OPRD1: variants seen among roughly 807,000 people sequenced by gnomAD.
OPRD1 encodes opioid receptor delta 1.
Under a neutral mutation model 17.5 loss-of-function variants are expected in OPRD1, and 19 were observed. The ratio of observed to expected loss-of-function variants is 1.09; its 90% CI spans 0.76 to 1.60. OPRD1 has a LOEUF of 1.60. Among genes scored for constraint, OPRD1 ranks in the 40% most tolerant of loss-of-function variants. The probability of loss-of-function intolerance (pLI) is 0.00; values close to 1 mark genes in which losing one functional copy is unlikely to be tolerated. For missense variants in OPRD1, 483 were observed against 547.2 expected, an observed-to-expected ratio of 0.88 and a Z score of 1.17; for synonymous variants, 256 against 240.9, an observed-to-expected ratio of 1.06 and a Z score of -0.58.
rs191535752 is a variant in OPRD1 at position 28,866,750 on chromosome 1, C to T, written c.*3467C>T. The T allele has an allele frequency of 9.9e-5, 15 of 152,262 alleles. No homozygotes were observed. Among genetic ancestry groups the T allele is most frequent in the East Asian group, 1.9e-4 (1 of 5,178 alleles). The allele number at this position is 152,262 out of a possible 1,614,324, so 9.4% of individuals were successfully genotyped here. A position where few individuals can be genotyped will look rare whatever the true frequency, so the allele number is the denominator to read the frequency against. On this transcript the variant is annotated 3_prime_UTR_variant, in exon 3 of 3. Coordinates refer to ENST00000234961, the MANE Select transcript of OPRD1 (RefSeq NM_000911.4). ...ACCAAATGGAAAAATCTAAAGGAAA[C>T]GAGCAATTTTCCATGAACTTTTGTT...
At chr1:28,850,783 A>AAATAATAATAAT (rs144560328) in intron 1 of OPRD1, among the ~76,000 whole-genome samples, 1 of 135,904 alleles carries the variant, frequency 7.4e-6, no homozygotes, top group Admixed American at 7.7e-5. Flanking sequence ...ATCTGTCTCA[A>AAATAATAATAAT]AATAATAATA....
At position 28,862,795 on chromosome 1, in the gene OPRD1, A is replaced by ACGGTGACCAAGATCTG; in HGVS notation, c.634_649dup (p.Val217GlyfsTer100). On this transcript the variant is annotated frameshift_variant, in exon 3 of 3. Transcript: ENST00000234961. LOFTEE classifies it high-confidence loss of function. ...CCCCAGCCCCAGCTGGTACTGGGAC[A>ACGGTGACCAAGATCTG]CGGTGACCAAGATCTGCGTGTTCCT... 1 of 1,613,590 alleles carries ACGGTGACCAAGATCTG rather than the reference A, an allele frequency of 6.2e-7. No homozygotes were observed. Among genetic ancestry groups the ACGGTGACCAAGATCTG allele is most frequent in the Non-Finnish European group, 8.5e-7 (1 of 1,179,888 alleles).
Position 28,863,657 on chromosome 1 carries a change from T to G in OPRD1, c.*374T>G. 9.4e-6 allele frequency: 2 copies of G among 211,722 alleles called. No homozygotes were observed. 13.1% of individuals were successfully genotyped at this position (211,722 alleles called of 1,614,324 possible). A position where few individuals can be genotyped will look rare whatever the true frequency, so the allele number is the denominator to read the frequency against. On this transcript the variant is annotated 3_prime_UTR_variant, in exon 3 of 3. Coordinates refer to ENST00000234961, the MANE Select transcript of OPRD1 (RefSeq NM_000911.4). ...TCAACCTTGAGACAGCTTCGGTTTC[T>G]AACTTGGAGCCGGACTTTCGGAGTT... is the stretch of plus-strand genomic sequence containing the variant.
intron 1 of OPRD1, among the ~76,000 whole-genome samples, chr1:28,853,619 C>A (rs1234515031): frequency 6.6e-6 from 1 of 152,070 alleles, no homozygotes; most frequent in Non-Finnish European, 1.5e-5. Context: ...AGTGATTGCC[C>A]CTGGGGAACA....
intron 1 of OPRD1, among the ~76,000 whole-genome samples, chr1:28,846,690 G>GA (rs61593060): frequency 7.9e-4 from 90 of 114,090 alleles, no homozygotes; most frequent in African/African-American, 1.6e-3. Flanking sequence ...CTCAAAAAAA[G>GA]AAAAAAAAAA....
At chr1:28,853,877 G>A (rs538016201) in intron 1 of OPRD1, among the ~76,000 whole-genome samples, 1 of 151,914 alleles carries the variant, frequency 6.6e-6, no homozygotes, top group South Asian at 2.1e-4. Flanking sequence ...GAGTAGCTGG[G>A]ATTACGGTGC....
intron 1 of OPRD1, among the ~76,000 whole-genome samples, chr1:28,832,277 G>C (rs1442555627): frequency 6.6e-6 from 1 of 152,140 alleles, no homozygotes; most frequent in East Asian, 1.9e-4. Flanking sequence ...CAAAAGGAAA[G>C]AGAAGCTCTT....
chr1:28,855,262 G>A (rs757525936), intron 1 of OPRD1, among the ~76,000 whole-genome samples: 20 of 152,090 alleles, frequency 1.3e-4, no homozygotes, highest in South Asian at 2.1e-4. Flanking sequence ...TGGGGGGACC[G>A]GGGTTCCAGG....
At chr1:28,814,414 G>A (rs2088656398) in intron 1 of OPRD1, among the ~76,000 whole-genome samples, 1 of 152,182 alleles carries the variant, frequency 6.6e-6, no homozygotes, top group Non-Finnish European at 1.5e-5. Context: ...GAGGCGGAGG[G>A]ATTTTCTAGA....
At chr1:28,837,214 A>C (rs942583134) in intron 1 of OPRD1, among the ~76,000 whole-genome samples, 1 of 152,248 alleles carries the variant, frequency 6.6e-6, no homozygotes, top group South Asian at 2.1e-4. Context: ...TCCTATGAGA[A>C]TCTAATGCCA....
At chr1:28,839,501 C>T (rs1279033463) in intron 1 of OPRD1, among the ~76,000 whole-genome samples, 2 of 152,168 alleles carry the variant, frequency 1.3e-5, no homozygotes, top group Non-Finnish European at 2.9e-5. Flanking sequence ...CTCCAGCAAT[C>T]CACACTGGAT....
intron 1 of OPRD1, among the ~76,000 whole-genome samples, chr1:28,844,113 C>T (rs564443416): frequency 2.7e-4 from 40 of 150,560 alleles, no homozygotes; most frequent in Non-Finnish European, 5.3e-4. Context: ...TTTCCAAAAA[C>T]GGTACACGAG....
intron 1 of OPRD1, among the ~76,000 whole-genome samples, chr1:28,834,389 T>C (rs2088832957): frequency 3.3e-5 from 5 of 150,102 alleles, no homozygotes; most frequent in Admixed American, 2.0e-4. Context: ...TTCTTTTTTT[T>C]TTTTTTTTTG....
At chr1:28,837,217 T>TA (rs1300514147) in intron 1 of OPRD1, among the ~76,000 whole-genome samples, 2 of 152,160 alleles carry the variant, frequency 1.3e-5, no homozygotes, top group Non-Finnish European at 1.5e-5. Context: ...TATGAGAATC[T>TA]AATGCCATTG....
intron 1 of OPRD1, among the ~76,000 whole-genome samples, chr1:28,852,343 C>T (rs1403535023): frequency 6.6e-6 from 1 of 151,984 alleles, no homozygotes; most frequent in Non-Finnish European, 1.5e-5. Flanking sequence ...AATATGTACA[C>T]AGAACTAAGC....
At chr1:28,828,871 T>G (rs1388866695) in intron 1 of OPRD1, among the ~76,000 whole-genome samples, 8 of 151,390 alleles carry the variant, frequency 5.3e-5, no homozygotes, top group Non-Finnish European at 1.0e-4. Flanking sequence ...GCACCTGTAA[T>G]CCCAGCTCCT....
rs966521538 is a variant in OPRD1, at chr1:28,869,157, C to G, written c.*5874C>G. On this transcript the variant is annotated 3_prime_UTR_variant, in exon 3 of 3. Transcript: ENST00000234961. ...ACACACAAAACACATACAGATGCCT[C>G]TCTTTCATCATGTATTTATTCCTTT... 3 of 152,444 alleles carry G rather than the reference C, an allele frequency of 2.0e-5. No individual in the cohort carries two copies. The East Asian group carries it at 5.8e-4, about 29-fold the overall frequency. 9.4% of individuals were successfully genotyped at this position (152,444 alleles called of 1,614,324 possible).
intron 1 of OPRD1, among the ~76,000 whole-genome samples, chr1:28,835,197 C>T (rs189087882): frequency 6.6e-6 from 1 of 152,286 alleles, no homozygotes; most frequent in East Asian, 1.9e-4. Context: ...CCCCATTGTG[C>T]CTGCTGCCCC....
At chr1:28,836,531 C>T (rs917753722) in intron 1 of OPRD1, among the ~76,000 whole-genome samples, 32 of 147,692 alleles carry the variant, frequency 2.2e-4, no homozygotes, top group Admixed American at 8.1e-4. Context: ...AAAAATTAGA[C>T]ATTTCACAGT....
Sources: allele counts gnomAD v4.1 joint callset (sites outside exome capture counted in the v4.1 genomes callset), GRCh38; gene constraint gnomAD v4.1.1; transcripts MANE v1.5; gene names NCBI Gene and HGNC (gene_info 2026-07-23, HGNC 2026-07-21).